RXRG: variants seen among roughly 807,000 people sequenced by gnomAD.
The protein encoded by RXRG is retinoid X receptor gamma, also known as retinoic acid receptor RXR-gamma.
RXRG carries 19 observed loss-of-function variants against 49.2 expected under a neutral mutation model. The ratio of observed to expected loss-of-function variants is 0.39; its 90% CI spans 0.27 to 0.57. RXRG has a LOEUF of 0.57. RXRG is among the 20% of genes least tolerant of loss of function. The pLI is 0.64. For missense variants in RXRG, 452 were observed against 592.5 expected (o/e 0.76, Z 2.46); for synonymous variants, 224 against 216.6 (o/e 1.03, Z -0.30).
intron 9 of RXRG, among the ~76,000 whole-genome samples, 180 bp from the exon 10 acceptor site, chr1:165,401,590 C>T (rs2101697073): frequency 6.6e-6 from 1 of 152,352 alleles, no homozygotes; most frequent in East Asian, 1.9e-4. Flanking sequence ...GGCTGGAGGG[C>T]TTGTCAGCCT....
intron 1 of RXRG, among the ~76,000 whole-genome samples, chr1:165,436,437 T>C (rs1658817319): frequency 6.6e-6 from 1 of 152,214 alleles, no homozygotes; most frequent in African/African-American, 2.4e-5. Context: ...AAACACATAA[T>C]AAAAGTTAGC....
chr1:165,444,249 G>A (rs1199235126), intron 1 of RXRG, among the ~76,000 whole-genome samples: 5 of 152,308 alleles, frequency 3.3e-5, no homozygotes, highest in Admixed American at 2.0e-4. Context: ...GGCAGCAGCA[G>A]GGGAGGAGAG....
chr1:165,416,980 G>A (rs962209138), intron 4 of RXRG, 61 bp downstream of exon 4: 23 of 1,504,752 alleles, frequency 1.5e-5, no homozygotes, highest in Admixed American at 5.5e-5. Flanking sequence ...GCAGTTGAAT[G>A]TCCCCTTGCC....
intron 1 of RXRG, among the ~76,000 whole-genome samples, chr1:165,440,823 G>A (rs969430261): frequency 6.6e-6 from 1 of 152,150 alleles, no homozygotes; most frequent in African/African-American, 2.4e-5. Flanking sequence ...TGAGGGGAAG[G>A]AAGAGGTGGG....
intron 4 of RXRG, among the ~76,000 whole-genome samples, chr1:165,414,515 G>A (rs530124202): frequency 3.9e-5 from 6 of 152,256 alleles, no homozygotes; most frequent in African/African-American, 1.2e-4. Context: ...CTCTGACTGA[G>A]ACCATTCACT....
intron 2 of RXRG, among the ~76,000 whole-genome samples, chr1:165,423,717 A>C (rs947139591): frequency 7.5e-6 from 1 of 134,126 alleles, no homozygotes; most frequent in African/African-American, 2.8e-5. Flanking sequence ...GGCGGTGGGG[A>C]GGGAGGTTGA....
intron 1 of RXRG, among the ~76,000 whole-genome samples, chr1:165,439,904 C>T (rs1312681580): frequency 3.9e-5 from 6 of 152,136 alleles, no homozygotes; most frequent in African/African-American, 1.4e-4. Context: ...ATAAGAAATG[C>T]ATATTAGCTA....
intron 1 of RXRG, among the ~76,000 whole-genome samples, chr1:165,432,742 G>A (rs1658707847): frequency 1.3e-5 from 2 of 152,202 alleles, no homozygotes; most frequent in South Asian, 4.1e-4. Flanking sequence ...TTTCCCTTCA[G>A]CACCAGCTGA....
intron 1 of RXRG, chr1:165,437,308 C>A (rs1232042261): frequency 1.9e-6 from 2 of 1,059,040 alleles, no homozygotes; most frequent in South Asian, 1.4e-5. Context: ...CCATTCCCTG[C>A]CCTGGCAGAA....
intron 2 of RXRG, among the ~76,000 whole-genome samples, chr1:165,427,766 C>T (rs975281417): frequency 1.3e-5 from 2 of 152,154 alleles, no homozygotes; most frequent in African/African-American, 4.8e-5. Flanking sequence ...TTTTCTTAGG[C>T]TGATGGAATA....
intron 2 of RXRG, 45 bp from the exon 3 acceptor site, chr1:165,420,059 T>C (rs1486450495): frequency 5.4e-6 from 8 of 1,474,994 alleles, no homozygotes; most frequent in Non-Finnish European, 7.3e-6. Flanking sequence ...CAGAGTAAAT[T>C]CAATCCCCAA....
intron 1 of RXRG, among the ~76,000 whole-genome samples, chr1:165,442,003 A>G (rs1659021748): frequency 6.6e-6 from 1 of 152,246 alleles, no homozygotes; most frequent in South Asian, 2.1e-4. Context: ...GGTCCCAGAC[A>G]CAAATCTCAG....
intron 7 of RXRG, among the ~76,000 whole-genome samples, chr1:165,409,332 T>G (rs887086753): frequency 3.3e-5 from 5 of 152,192 alleles, no homozygotes; most frequent in African/African-American, 1.2e-4. Context: ...ATCTCAATCT[T>G]TCTTTTAATC....
intron 4 of RXRG, 95 bp downstream of exon 4, chr1:165,416,946 G>T: frequency 1.7e-6 from 2 of 1,186,508 alleles, no homozygotes; most frequent in Admixed American, 2.2e-5. Flanking sequence ...GGATGACTTT[G>T]GGCACCATGA....
At chr1:165,444,571 A>G (rs1223251583) in intron 1 of RXRG, among the ~76,000 whole-genome samples, 1 of 152,120 alleles carries the variant, frequency 6.6e-6, no homozygotes, top group African/African-American at 2.4e-5. Flanking sequence ...TCTCAGACAC[A>G]TTCTCAAGCA....
At position 165,434,271 on chromosome 1, in the gene RXRG, C is replaced by CGTGTGT. The variant is rs1491363219; in HGVS notation, c.50-5306_50-5305insACACAC. Among the ~76,000 whole-genome samples, 153 of 120,778 alleles carry CGTGTGT rather than the reference C, an allele frequency of 1.3e-3. 2 individuals carry two copies. The highest frequency in any genetic ancestry group is 5.2e-3 in the African/African-American group (132 of 25,454). 79.2% of individuals were successfully genotyped at this position (120,778 alleles called of 152,430 possible). On this transcript the variant is annotated intron_variant, in intron 1 of 9. Transcript: ENST00000359842. Reference sequence around the variant, plus strand: ...ACCACAATCTCTAAACAATGAATTGCATGTGTGTATGTGTGTGTGTGTGTG... The same window carrying CGTGTGT: ...ACCACAATCTCTAAACAATGAATTGCGTGTGTATGTGTGTATGTGTGTGTGTGTGTG...
chr1:165,409,469 A>G, intron 7 of RXRG, 89 bp downstream of exon 7: 1 of 1,255,274 alleles, frequency 8.0e-7, no homozygotes, highest in Non-Finnish European at 1.0e-6. Context: ...CCACGTGAGA[A>G]TTCATGTATG....
intron 2 of RXRG, among the ~76,000 whole-genome samples, chr1:165,426,900 A>G (rs1482562585): frequency 1.3e-5 from 2 of 152,196 alleles, no homozygotes; most frequent in Non-Finnish European, 2.9e-5. Context: ...CAGGAAGAGC[A>G]AATGCTTCAG....
rs1182892992 is a variant in RXRG, at chr1:165,406,867, C to T, written c.1189G>A (p.Val397Ile). The T allele has an allele frequency of 6.2e-7, 1 of 1,614,014 alleles. No individual in the cohort carries two copies. Among genetic ancestry groups the T allele is most frequent in the South Asian group, 1.1e-5 (1 of 91,076 alleles). ...PSEVETLREK[V>I]YATLEAYTKQ... ...GTGTAGGCCTCAAGGGTGGCATAAA[C>T]CTTCTCTCGCAGAGTCTCCACCTCA... is the stretch of plus-strand genomic sequence containing the variant. The change falls in exon 9 of 10, where the codon GTT becomes ATT. Residue 397 changes from valine (V) to isoleucine (I), a missense_variant. Around this residue, in one of 2 missense-constraint regions of RXRG, gnomAD observed 286 missense variants for 440.9 expected, o/e 0.65. Coordinates refer to ENST00000359842, the MANE Select transcript of RXRG (RefSeq NM_006917.5).
Sources: allele counts gnomAD v4.1 joint callset (sites outside exome capture counted in the v4.1 genomes callset), GRCh38; gene constraint gnomAD v4.1.1; regional missense constraint gnomAD v4.1.1; transcripts MANE v1.5; gene names NCBI Gene and HGNC (gene_info 2026-07-23, HGNC 2026-07-21).